The following DZIP1L variants were observed in gnomAD, a reference collection of about 807,000 sequenced individuals.
DZIP1L encodes the protein DAZ interacting zinc finger protein 1 like, also known as cilium assembly protein DZIP1L.
In DZIP1L, 90 loss-of-function variants were observed where a neutral mutation model predicts 88.7. The ratio of observed to expected loss-of-function variants is 1.02; its 90% CI spans 0.86 to 1.21. The LOEUF (loss-of-function observed/expected upper bound fraction) is 1.21, where lower values mean the gene tolerates loss of function less well. Ranked by LOEUF, DZIP1L falls within the 50% of genes most tolerant of loss-of-function variation. DZIP1L has a pLI of 0.00. For synonymous variants in DZIP1L, 363 were observed against 372.1 expected (o/e 0.98, Z 0.28); for missense variants, 932 against 955.8 (o/e 0.98, Z 0.33).
Position 138,103,989 on chromosome 3 carries a change from A to G in DZIP1L, c.-18T>C. On this transcript the variant is annotated 5_prime_UTR_variant, in exon 2 of 16. Coordinates refer to ENST00000327532, the MANE Select transcript of DZIP1L (RefSeq NM_173543.3). ...GACTGCATGGGCAGAGGAAGCCCTG[A>G]GCTGACCACCAGAGGAGGGGGGCAC... 1 of 1,598,178 alleles carries G rather than the reference A, an allele frequency of 6.3e-7. No individual in the cohort carries two copies. Among genetic ancestry groups the G allele is most frequent in the Non-Finnish European group, 8.5e-7 (1 of 1,175,170 alleles).
chr3:138,072,970 T>C (rs906001948), intron 11 of DZIP1L, among the ~76,000 whole-genome samples: 3 of 152,078 alleles, frequency 2.0e-5, no homozygotes, highest in Admixed American at 6.5e-5. Context: ...TATAACTCCA[T>C]TGGACTGGGA....
At chr3:138,094,745 TGAC>T in intron 4 of DZIP1L, 114 bp downstream of exon 4, 4 of 1,495,122 alleles carry the variant, frequency 2.7e-6, no homozygotes. Context: ...ATCCCAGCTC[TGAC>T]TCCCAGCTCT....
In DZIP1L at chr3:138,090,015, T is replaced by C. The variant is rs182570856; in HGVS notation, c.871-1508A>G. 4.0e-3 allele frequency among the ~76,000 whole-genome samples: 610 copies of C among 152,064 alleles called. 3 individuals carry two copies. The highest frequency in any genetic ancestry group is 5.9e-3 in the Non-Finnish European group (401 of 67,966). ...AAAATTAGCTGGGTGTGGTGGCACA[T>C]GCCTATAGTCACAGCTACTCAGGAG... On this transcript the variant is annotated intron_variant, in intron 5 of 15. Coordinates refer to ENST00000327532, the MANE Select transcript of DZIP1L (RefSeq NM_173543.3).
chr3:138,080,084 G>A (rs1478394668), intron 10 of DZIP1L, among the ~76,000 whole-genome samples: 1 of 152,172 alleles, frequency 6.6e-6, no homozygotes, highest in Admixed American at 6.5e-5. Flanking sequence ...AAAAACAGCA[G>A]GTGCCCAATG....
chr3:138,089,575 C>T (rs759847592), intron 5 of DZIP1L, among the ~76,000 whole-genome samples: 3 of 152,116 alleles, frequency 2.0e-5, no homozygotes, highest in Non-Finnish European at 2.9e-5. Flanking sequence ...CATTGGCCTT[C>T]CTAACATCAG....
chr3:138,106,196 T>G (rs1037321211), intron 1 of DZIP1L, among the ~76,000 whole-genome samples: 3 of 130,242 alleles, frequency 2.3e-5, no homozygotes, highest in Non-Finnish European at 4.7e-5. Flanking sequence ...TGAAATACAA[T>G]GGCGCGATCT....
chr3:138,076,974 A>C (rs1024506856), intron 11 of DZIP1L, among the ~76,000 whole-genome samples: 3 of 152,164 alleles, frequency 2.0e-5, no homozygotes, highest in African/African-American at 7.2e-5. Context: ...ATATACATAC[A>C]TACATGTAAC....
intron 9 of DZIP1L, 128 bp downstream of exon 9, chr3:138,081,606 A>AGG: frequency 1.1e-6 from 1 of 917,764 alleles, no homozygotes; most frequent in Non-Finnish European, 1.6e-6. Context: ...GAAGCCTGAC[A>AGG]CTACATGTCC....
intron 5 of DZIP1L, among the ~76,000 whole-genome samples, chr3:138,091,659 G>T: frequency 2.8e-5 from 1 of 35,146 alleles, no homozygotes; most frequent in Non-Finnish European, 8.2e-5. Context: ...GAGGAAGGAA[G>T]GAAGGGAGGG....
rs1402732378 is a variant in DZIP1L, at chr3:138,084,097, G to A, written c.1203+16C>T. ...CAGGGACACCAAGGCCTGGCTGAAA[G>A]GAAGGGCAGACCTACCATCTCCTCC... On this transcript the variant is annotated intron_variant, in intron 8 of 15. Coordinates refer to ENST00000327532, the MANE Select transcript of DZIP1L (RefSeq NM_173543.3). 6.2e-7 allele frequency: 1 copy of A among 1,612,032 alleles called. No individual in the cohort carries two copies. The highest frequency in any genetic ancestry group is 1.7e-5 in the Admixed American group (1 of 59,798).
chr3:138,108,618 C>T (rs1021401161), intron 1 of DZIP1L, among the ~76,000 whole-genome samples: 2 of 152,146 alleles, frequency 1.3e-5, no homozygotes, highest in Admixed American at 1.3e-4. Flanking sequence ...ACAGCTTCAG[C>T]TACTATAGGC....
intron 1 of DZIP1L, among the ~76,000 whole-genome samples, chr3:138,104,958 A>C (rs1576503296): frequency 1.3e-5 from 2 of 152,320 alleles, no homozygotes; most frequent in East Asian, 3.9e-4. Context: ...TTGTGAAAAA[A>C]TTGTCATTGT....
intron 2 of DZIP1L, chr3:138,101,912 G>A (rs545383542): frequency 2.0e-5 from 29 of 1,456,698 alleles, no homozygotes; most frequent in Admixed American, 1.2e-4. Flanking sequence ...AGCTCCCCAC[G>A]TTGCTCGGCA....
Position 138,092,389 on chromosome 3 carries a change from T to C in DZIP1L, c.864A>G (p.Leu288=), listed in dbSNP as rs770228422. The C allele has an allele frequency of 3.8e-6, 6 of 1,571,290 alleles. No homozygotes were observed. The highest frequency in any genetic ancestry group is 5.1e-6 in the Non-Finnish European group (6 of 1,165,644). ...AGCCTTTTATGTTGGGTACCTCTTC[T>C]AGTGTAGAGTTCTGCTTGGCGACAT... ...FKNVAKQNST[L]EEKLRALQSH... The change falls in exon 5 of 16, where the codon CTA becomes CTG. Residue 288 remains leucine, a synonymous_variant. Coordinates refer to ENST00000327532, the MANE Select transcript of DZIP1L (RefSeq NM_173543.3).
At chr3:138,101,343 C>A (rs1347866156) in intron 2 of DZIP1L, 2 of 596,078 alleles carry the variant, frequency 3.4e-6, no homozygotes, top group Non-Finnish European at 5.9e-6. Context: ...TAAACTCCCC[C>A]GCAGGTGGGT....
At chr3:138,080,778 G>A (rs886485678) in intron 9 of DZIP1L, among the ~76,000 whole-genome samples, 158 bp from the exon 10 acceptor site, 8 of 152,154 alleles carry the variant, frequency 5.3e-5, no homozygotes, top group Admixed American at 3.3e-4. Context: ...AGACACTGGC[G>A]GCAGAAAGAT....
In DZIP1L at chr3:138,062,906, C is replaced by T. The variant is rs139991345; in HGVS notation, c.2214G>A (p.Glu738=). The change falls in exon 16 of 16, where the codon GAG becomes GAA. Residue 738 remains glutamate (E), a synonymous_variant. Transcript: ENST00000327532. ...EDLPLDLDQR[E]KPKPLSRSKL... ...TTGAGCGAGACAAGGGCTTGGGTTT[C>T]TCTCTCTGGTCCAGGTCCAGAGGAA... 4.3e-6 allele frequency: 7 copies of T among 1,614,092 alleles called. No individual in the cohort carries two copies. In the African/African-American group the frequency reaches 8.0e-5, roughly 18 times the overall value.
chr3:138,087,015 C>T lies in DZIP1L; in HGVS notation c.1008G>A (p.Glu336=), dbSNP rs980893263. The change falls in exon 7 of 16, where the codon GAG becomes GAA. Residue 336 remains glutamate (E), a synonymous_variant. Transcript: ENST00000327532. ...LREKTEIQKT[E]WKRKVKELHE... is the part of the protein sequence containing the mutation. ...GCAGTTCCTTCACTTTTCTTTTCCA[C>T]TCCGTTTTCTGAAAAAGATTAAAAG... 6.2e-7 allele frequency: 1 copy of T among 1,613,912 alleles called. No individual in the cohort carries two copies. The highest frequency in any genetic ancestry group is 1.3e-5 in the African/African-American group (1 of 74,910).
chr3:138,103,466 CT>C lies in DZIP1L; in HGVS notation c.501+4del. The C allele has an allele frequency of 6.3e-7, 1 of 1,591,272 alleles. No homozygotes were observed. The highest frequency in any genetic ancestry group is 8.6e-7 in the Non-Finnish European group (1 of 1,166,418). The stretch of plus-strand genomic sequence containing the variant: ...CACTCTCCCTGCCTGGTGGAGATTC[CT>C]CACCGTGTGGTAGCTGTGGGTGCCT... On this transcript the variant is annotated splice_donor_region_variant and intron_variant, in intron 2 of 15. Coordinates refer to ENST00000327532, the MANE Select transcript of DZIP1L (RefSeq NM_173543.3).
Sources: allele counts gnomAD v4.1 joint callset (sites outside exome capture counted in the v4.1 genomes callset), GRCh38; gene constraint gnomAD v4.1.1; transcripts MANE v1.5; gene names NCBI Gene and HGNC (gene_info 2026-07-23, HGNC 2026-07-21).